PLEKHA6: variants seen among roughly 807,000 people sequenced by gnomAD.
PLEKHA6 encodes the protein pleckstrin homology domain containing A6.
Under a neutral mutation model 116.7 loss-of-function variants are expected in PLEKHA6, and 60 were observed. The observed-to-expected ratio is 0.51, with a 90% CI of 0.42 to 0.64. PLEKHA6 has a LOEUF of 0.64. Ranked by LOEUF, PLEKHA6 falls within the 30% of genes least tolerant of loss-of-function variation. The pLI, the probability that PLEKHA6 is intolerant of heterozygous loss-of-function variation, is 0.00. For synonymous variants in PLEKHA6, 489 were observed against 556.1 expected (o/e 0.88, Z 1.70); for missense variants, 1,338 against 1,422.7 (o/e 0.94, Z 0.96).
intron 1 of PLEKHA6, chr1:204,282,529 A>C (rs759249507): frequency 2.8e-5 from 15 of 526,388 alleles, no homozygotes; most frequent in Non-Finnish European, 3.7e-5. Flanking sequence ...ACCCAGAGAC[A>C]AAAGAGTTAA....
chr1:204,233,585 A>G (rs772759444), intron 17 of PLEKHA6, among the ~76,000 whole-genome samples: 1 of 152,064 alleles, frequency 6.6e-6, no homozygotes, highest in African/African-American at 2.4e-5. Flanking sequence ...GATTACAGGC[A>G]TGAGCCACCG....
At chr1:204,280,311 T>A (rs1668461996) in intron 1 of PLEKHA6, 3 of 985,248 alleles carry the variant, frequency 3.0e-6, no homozygotes, top group South Asian at 9.4e-5. Flanking sequence ...GTGGCAAAAT[T>A]AATCCAAGTT....
At chr1:204,280,250 C>A (rs779807811) in intron 1 of PLEKHA6, 36 of 944,408 alleles carry the variant, frequency 3.8e-5, no homozygotes, top group Non-Finnish European at 4.3e-5. Context: ...CAAACATCCC[C>A]CTGGAGAGTC....
chr1:204,374,925 C>A (rs557891534), intron 1 of PLEKHA6, among the ~76,000 whole-genome samples: 1 of 152,340 alleles, frequency 6.6e-6, no homozygotes, highest in South Asian at 2.1e-4. Context: ...AGGCCTCCCC[C>A]TCTCCTAAAT....
intron 17 of PLEKHA6, among the ~76,000 whole-genome samples, chr1:204,232,535 G>T (rs1355226799): frequency 2.6e-5 from 4 of 152,172 alleles, no homozygotes; most frequent in South Asian, 2.1e-4. Context: ...TACAAAGGGG[G>T]TCTACAAAGT....
chr1:204,326,838 A>G (rs1483909948), intron 1 of PLEKHA6: 1 of 244,028 alleles, frequency 4.1e-6, no homozygotes, highest in Non-Finnish European at 6.6e-6. Flanking sequence ...ACTTGACCTC[A>G]CTCAGCATTC....
intron 14 of PLEKHA6, among the ~76,000 whole-genome samples, chr1:204,245,218 C>T (rs559292287): frequency 1.1e-4 from 16 of 151,980 alleles, no homozygotes; most frequent in African/African-American, 2.7e-4. Flanking sequence ...GTGGGGAAGA[C>T]GGTAGATGGA....
At chr1:204,255,832 G>C (rs1665208247) in intron 9 of PLEKHA6, among the ~76,000 whole-genome samples, 1 of 152,178 alleles carries the variant, frequency 6.6e-6, no homozygotes, top group Non-Finnish European at 1.5e-5. Flanking sequence ...TTCTCAGGAA[G>C]GGAGGGGTTG....
In PLEKHA6 at chr1:204,241,495, G is replaced by A. The variant is rs745401064; in HGVS notation, c.2303-14C>T. 1.3e-6 allele frequency: 2 copies of A among 1,564,344 alleles called. No individual in the cohort carries two copies. The highest frequency in any genetic ancestry group is 1.7e-4 in the Middle Eastern group (1 of 5,882). On this transcript the variant is annotated splice_polypyrimidine_tract_variant and intron_variant, in intron 16 of 22. Coordinates refer to ENST00000272203, the MANE Select transcript of PLEKHA6 (RefSeq NM_014935.5). ...GCACAACGCCAACTGCAGAAAGACAGAGTAGCCAGTGGGCCTCATGGAGAG... is the reference window on the plus strand; with the variant it reads ...GCACAACGCCAACTGCAGAAAGACAAAGTAGCCAGTGGGCCTCATGGAGAG...
rs185262390 is a variant in PLEKHA6, at chr1:204,358,105, G to A, written c.-95+1589C>T. Among the ~76,000 whole-genome samples the A allele has an allele frequency of 3.9e-5, 6 of 152,324 alleles. No homozygotes were observed. In the East Asian group the frequency reaches 1.2e-3, roughly 29 times the overall value. On this transcript the variant is annotated intron_variant, in intron 1 of 22. Transcript: ENST00000272203. ...CATTGTCTGCAGCCTGTGTGCAGCA[G>A]CCTGCCAGGATTAATTACACACCAG...
rs1271520397 is a variant in PLEKHA6, at chr1:204,238,929, C to T, written c.2409+2446G>A. 2.0e-5 allele frequency among the ~76,000 whole-genome samples: 3 copies of T among 152,170 alleles called. No individual in the cohort carries two copies. The highest frequency in any genetic ancestry group is 7.2e-5 in the African/African-American group (3 of 41,432). On this transcript the variant is annotated intron_variant, in intron 17 of 22. Coordinates refer to ENST00000272203, the MANE Select transcript of PLEKHA6 (RefSeq NM_014935.5). The surrounding 1 kb of genome is among the most constrained non-coding windows in gnomAD (Gnocchi z 4.2). ...ATGGAAGGAGAAATGGCCAGATGTG[C>T]GATTATATACTGATTCATGGGCTGT...
chr1:204,291,698 A>G (rs1669777686), intron 1 of PLEKHA6, among the ~76,000 whole-genome samples: 1 of 152,254 alleles, frequency 6.6e-6, no homozygotes, highest in Non-Finnish European at 1.5e-5. Context: ...TTCATTTATG[A>G]TTCCATTATA....
At chr1:204,278,137 C>T (rs1668212477) in intron 1 of PLEKHA6, among the ~76,000 whole-genome samples, 1 of 152,180 alleles carries the variant, frequency 6.6e-6, no homozygotes, top group South Asian at 2.1e-4. Flanking sequence ...TCAGCGCTCC[C>T]CCCTTTCCTA....
At chr1:204,247,522 T>A in intron 12 of PLEKHA6, 62 bp from the exon 13 acceptor site, 1 of 1,085,350 alleles carries the variant, frequency 9.2e-7, no homozygotes, top group Non-Finnish European at 1.4e-6. Context: ...CTCCTTATCC[T>A]GCAATGGACC....
chr1:204,295,346 C>T (rs569990306), intron 1 of PLEKHA6, among the ~76,000 whole-genome samples: 1 of 152,078 alleles, frequency 6.6e-6, no homozygotes, highest in South Asian at 2.1e-4. Flanking sequence ...AAAAAGTAAC[C>T]AGGTGTGGTG....
chr1:204,316,099 C>T (rs1027692503), intron 1 of PLEKHA6, among the ~76,000 whole-genome samples: 1 of 152,192 alleles, frequency 6.6e-6, no homozygotes, highest in Non-Finnish European at 1.5e-5. Context: ...ATGCAATGCG[C>T]GAGGTGGCTC....
intron 3 of PLEKHA6, among the ~76,000 whole-genome samples, chr1:204,365,672 A>G (rs1009936575): frequency 1.3e-5 from 2 of 152,242 alleles, no homozygotes; most frequent in Non-Finnish European, 2.9e-5. Flanking sequence ...AATGTTTATC[A>G]TGCATGCATT....
At chr1:204,349,540 CAAA>C (rs11403796) in intron 1 of PLEKHA6, among the ~76,000 whole-genome samples, 122 of 115,174 alleles carry the variant, frequency 1.1e-3, no homozygotes, top group African/African-American at 2.7e-3. Flanking sequence ...GACTCCATCT[CAAA>C]AAAAAAAAAA....
intron 1 of PLEKHA6, among the ~76,000 whole-genome samples, chr1:204,331,945 T>C (rs887040306): frequency 1.3e-5 from 2 of 151,982 alleles, no homozygotes; most frequent in African/African-American, 4.8e-5. Flanking sequence ...AGCCTCCCCT[T>C]ACCAGCCTAG....
Sources: gnomAD v4.1 joint callset for allele counts (sites outside exome capture counted in the v4.1 genomes callset) on GRCh38, gnomAD v4.1.1 for gene constraint, Gnocchi (gnomAD v3.1) non-coding constraint, MANE v1.5 for transcripts, NCBI Gene and HGNC (gene_info 2026-07-23, HGNC 2026-07-21) for gene names.